SPIDR: variants seen among roughly 807,000 people sequenced by gnomAD.
The protein encoded by SPIDR is DNA repair-scaffolding protein.
In SPIDR, 93 loss-of-function variants were observed where a neutral mutation model predicts 104.6. The observed-to-expected ratio is 0.89, with a 90% confidence interval of 0.75 to 1.06. The LOEUF is 1.06. SPIDR is among the 50% of genes least tolerant of loss of function. The pLI, the probability that SPIDR is intolerant of heterozygous loss-of-function variation, is 0.00. For synonymous variants in SPIDR, 431 were observed against 416.9 expected (o/e 1.03, Z -0.41); for missense variants, 1,154 against 1,111.2 (o/e 1.04, Z -0.55).
intron 8 of SPIDR, among the ~76,000 whole-genome samples, chr8:47,530,677 G>A (rs1360135667): frequency 1.3e-5 from 2 of 151,938 alleles, no homozygotes; most frequent in Non-Finnish European, 2.9e-5. Context: ...CACTACTGTA[G>A]ACTTTATATA....
chr8:47,714,022 C>T (rs909809808), intron 16 of SPIDR, among the ~76,000 whole-genome samples: 1 of 152,032 alleles, frequency 6.6e-6, no homozygotes, highest in Non-Finnish European at 1.5e-5. Context: ...AGCAGGACTT[C>T]GTAAGGCCAC....
chr8:47,580,243 GAGTA>G (rs1366151452), intron 8 of SPIDR, among the ~76,000 whole-genome samples: 29 of 152,148 alleles, frequency 1.9e-4, no homozygotes, highest in Admixed American at 1.7e-3. Flanking sequence ...AATAGGTTTT[GAGTA>G]AGTAACACTA....
chr8:47,561,925 A>G (rs2057135090), intron 8 of SPIDR, among the ~76,000 whole-genome samples: 1 of 152,252 alleles, frequency 6.6e-6, no homozygotes, highest in East Asian at 1.9e-4. Context: ...ACAAACCACA[A>G]AATATGTTCA....
intron 7 of SPIDR, among the ~76,000 whole-genome samples, chr8:47,437,410 A>C (rs1751318914): frequency 1.3e-5 from 2 of 152,198 alleles, no homozygotes; most frequent in African/African-American, 4.8e-5. Flanking sequence ...ATGTCCCTAC[A>C]AAGGACATGA....
At chr8:47,336,975 G>A (rs1024473494) in intron 5 of SPIDR, among the ~76,000 whole-genome samples, 3 of 152,182 alleles carry the variant, frequency 2.0e-5, no homozygotes, top group African/African-American at 4.8e-5. Flanking sequence ...CTAAGTGGGT[G>A]TGGAATGGTA....
At chr8:47,474,036 G>A (rs1480801440) in intron 8 of SPIDR, among the ~76,000 whole-genome samples, 1 of 152,144 alleles carries the variant, frequency 6.6e-6, no homozygotes, top group Non-Finnish European at 1.5e-5. Flanking sequence ...ACACGAGCAG[G>A]CATGATTGCT....
intron 5 of SPIDR, among the ~76,000 whole-genome samples, chr8:47,324,295 C>T (rs1554598913): frequency 6.6e-6 from 1 of 152,156 alleles, no homozygotes; most frequent in African/African-American, 2.4e-5. Flanking sequence ...AGCCATTTTG[C>T]TGAATGGCCT....
chr8:47,360,131 A>T lies in SPIDR; in HGVS notation c.526-36245A>T, dbSNP rs1407806064. 1.3e-5 allele frequency among the ~76,000 whole-genome samples: 2 copies of T among 150,528 alleles called. 1 individual carries two copies. Among genetic ancestry groups the T allele is most frequent in the Non-Finnish European group, 2.9e-5 (2 of 67,802 alleles). On this transcript the variant is annotated intron_variant, in intron 5 of 19. Coordinates refer to ENST00000297423, the MANE Select transcript of SPIDR (RefSeq NM_001080394.4). ...GTGGCGGGCGCCTGTAGTCCCAGCTACTCGGGAGGCTGAGGCAGGACAATG... is the reference window on the plus strand; with the variant it reads ...GTGGCGGGCGCCTGTAGTCCCAGCTTCTCGGGAGGCTGAGGCAGGACAATG...
At chr8:47,330,601 A>C (rs1393283780) in intron 5 of SPIDR, among the ~76,000 whole-genome samples, 2 of 152,180 alleles carry the variant, frequency 1.3e-5, no homozygotes, top group Non-Finnish European at 2.9e-5. Flanking sequence ...ATACAGTTGG[A>C]ATCATATAGT....
chr8:47,445,141 C>T (rs1554700557), intron 8 of SPIDR, among the ~76,000 whole-genome samples: 1 of 152,164 alleles, frequency 6.6e-6, no homozygotes, highest in Non-Finnish European at 1.5e-5. Flanking sequence ...TTGTATAGCA[C>T]TAAACACATG....
At position 47,673,621 on chromosome 8, in the gene SPIDR, G is replaced by A. The variant is rs2076060719; in HGVS notation, c.1545-180G>A. 3 of 763,724 alleles carry A rather than the reference G, an allele frequency of 3.9e-6. No homozygotes were observed. In the Admixed American group the frequency reaches 8.2e-5, roughly 21 times the overall value. 47.3% of individuals were successfully genotyped at this position (763,724 alleles called of 1,614,324 possible). ...TTTTAATCCTGACTCACCCATTTAG[G>A]AAGATGACTACAGTGGATTTCTTTT... On this transcript the variant is annotated intron_variant, in intron 10 of 19. Transcript: ENST00000297423.
chr8:47,618,836 A>T (rs1240584325), intron 10 of SPIDR, among the ~76,000 whole-genome samples: 1 of 152,244 alleles, frequency 6.6e-6, no homozygotes, highest in Non-Finnish European at 1.5e-5. Flanking sequence ...AAAATTAAGG[A>T]ATGTGAACAG....
chr8:47,559,014 G>A (rs2154400606), intron 8 of SPIDR, among the ~76,000 whole-genome samples: 1 of 152,298 alleles, frequency 6.6e-6, no homozygotes, highest in East Asian at 1.9e-4. Context: ...AGGCAGTGAT[G>A]GATCTTGTGC....
intron 17 of SPIDR, 29 bp from the exon 18 acceptor site, chr8:47,728,904 T>C: frequency 1.3e-6 from 2 of 1,588,098 alleles, no homozygotes; most frequent in Non-Finnish European, 1.7e-6. Flanking sequence ...TCCCGGGGCC[T>C]TGTCTTTCCT....
intron 11 of SPIDR, among the ~76,000 whole-genome samples, chr8:47,685,501 A>ATTTTTTTTTTTTTTTTTTT (rs1326028640): frequency 9.1e-6 from 1 of 110,226 alleles, no homozygotes; most frequent in Non-Finnish European, 2.2e-5. Context: ...TTATTTATTT[A>ATTTTTTTTTTTTTTTTTTT]TTTATTTATT....
chr8:47,555,343 G>C (rs2091191751), intron 8 of SPIDR, among the ~76,000 whole-genome samples: 1 of 152,134 alleles, frequency 6.6e-6, no homozygotes, highest in Admixed American at 6.5e-5. Context: ...TGGTGCCTAG[G>C]ATGTGCCTAG....
At chr8:47,591,773 T>A (rs1021246196) in intron 8 of SPIDR, among the ~76,000 whole-genome samples, 6 of 149,122 alleles carry the variant, frequency 4.0e-5, no homozygotes, top group Non-Finnish European at 8.9e-5. Context: ...TTAAACTACC[T>A]CCCCCCTCAA....
rs1245831560 is a variant in SPIDR, at chr8:47,577,084, A to G, written c.1098-18727A>G. On this transcript the variant is annotated intron_variant, in intron 8 of 19. Transcript: ENST00000297423. ...TTAGGAGCCTTTGTCAAATCAGTCA[A>G]GTGAAGAAAGATGTTCTTCAAATTG... Among the ~76,000 whole-genome samples the G allele has an allele frequency of 4.6e-5, 7 of 152,376 alleles. 1 individual carries two copies. In the East Asian group the frequency reaches 5.8e-4, roughly 13 times the overall value.
At chr8:47,382,520 C>A (rs1410259386) in intron 5 of SPIDR, among the ~76,000 whole-genome samples, 5 of 152,198 alleles carry the variant, frequency 3.3e-5, no homozygotes, top group African/African-American at 1.2e-4. Context: ...TCAAACGATT[C>A]TCCTGCCTCA....
Sources: gnomAD v4.1 joint callset for allele counts (sites outside exome capture counted in the v4.1 genomes callset) on GRCh38, gnomAD v4.1.1 for gene constraint, MANE v1.5 for transcripts, NCBI Gene and HGNC (gene_info 2026-07-23, HGNC 2026-07-21) for gene names.